The following SNX30 variants were observed in gnomAD, a reference collection of about 807,000 sequenced individuals.
SNX30 encodes sorting nexin family member 30, also known as sorting nexin-30.
Under a neutral mutation model 46.4 loss-of-function variants are expected in SNX30, and 24 were observed. That is an observed-to-expected ratio of 0.52 (90% CI 0.37 to 0.73). SNX30 has a LOEUF of 0.73. Among genes scored for constraint, SNX30 ranks in the 30% least tolerant of loss-of-function variants. The pLI is 0.00. For missense variants in SNX30, 533 were observed against 555.7 expected (o/e 0.96, Z 0.41); for synonymous variants, 189 against 211.5 (o/e 0.89, Z 0.92).
intron 1 of SNX30, among the ~76,000 whole-genome samples, chr9:112,773,984 T>A (rs1320163876): frequency 6.6e-6 from 1 of 152,248 alleles, no homozygotes; most frequent in Non-Finnish European, 1.5e-5. Context: ...CTATGTGACC[T>A]GTTTGTCTTC....
intron 5 of SNX30, among the ~76,000 whole-genome samples, chr9:112,837,060 C>T (rs887172124): frequency 3.3e-5 from 5 of 152,276 alleles, no homozygotes; most frequent in South Asian, 2.1e-4. Flanking sequence ...TGTAAATGAT[C>T]GCACTGGCAT....
At chr9:112,858,915 T>A (rs1030988693) in intron 7 of SNX30, among the ~76,000 whole-genome samples, 4 of 152,170 alleles carry the variant, frequency 2.6e-5, no homozygotes, top group African/African-American at 9.7e-5. Flanking sequence ...CCTCCATATA[T>A]TTAAACAAGA....
At chr9:112,811,826 C>T (rs1840325127) in intron 2 of SNX30, among the ~76,000 whole-genome samples, 1 of 152,030 alleles carries the variant, frequency 6.6e-6, no homozygotes, top group Admixed American at 6.6e-5. Flanking sequence ...GTATGCTTTT[C>T]GTTCTTTTAA....
chr9:112,883,821 C>T (rs1044320590), downstream of SNX30, among the ~76,000 whole-genome samples: 7 of 151,936 alleles, frequency 4.6e-5, no homozygotes, highest in Non-Finnish European at 1.0e-4. Context: ...CCTCAGCCTC[C>T]CGAATAACTG....
intron 6 of SNX30, among the ~76,000 whole-genome samples, chr9:112,838,944 T>C (rs1588134144): frequency 1.3e-5 from 2 of 152,086 alleles, no homozygotes; most frequent in Non-Finnish European, 2.9e-5. Context: ...CAAGAAGATA[T>C]AATGCCTATG....
In SNX30 at chr9:112,868,867, CTT is replaced by C. The variant is rs1564298926; in HGVS notation, c.*25_*26del. The stretch of plus-strand genomic sequence containing the variant: ...AAAGTTCTTTCTTGGGACGGAGACT[CTT>C]CTACCTACACAGGGCCTGGCACCCT... On this transcript the variant is annotated 3_prime_UTR_variant, in exon 9 of 9. Coordinates refer to ENST00000374232, the MANE Select transcript of SNX30 (RefSeq NM_001012994.2). 4.3e-6 allele frequency: 7 copies of C among 1,612,298 alleles called. No homozygotes were observed. The highest frequency in any genetic ancestry group is 4.2e-6 in the Non-Finnish European group (5 of 1,178,308).
intron 4 of SNX30, among the ~76,000 whole-genome samples, chr9:112,834,870 A>G (rs1303360174): frequency 6.5e-5 from 6 of 91,604 alleles, no homozygotes; most frequent in African/African-American, 1.4e-4. Context: ...ACACACACAC[A>G]CACACACACA....
intron 1 of SNX30, among the ~76,000 whole-genome samples, chr9:112,776,775 T>C (rs1243675589): frequency 6.6e-6 from 1 of 152,228 alleles, no homozygotes; most frequent in Non-Finnish European, 1.5e-5. Context: ...GAACTGCTCC[T>C]AGGCAGGCCT....
intron 6 of SNX30, among the ~76,000 whole-genome samples, chr9:112,843,585 C>CGG (rs1190328662): frequency 7.0e-6 from 1 of 142,444 alleles, no homozygotes; most frequent in Non-Finnish European, 1.5e-5. Context: ...AAGTGGTAAG[C>CGG]GGTGAGGTCA....
Position 112,836,361 on chromosome 9 carries a change from C to T in SNX30, c.766C>T (p.Leu256=). Residue 256 remains leucine (L), a synonymous_variant, in exon 5 of 9, where the codon CTG becomes TTG. Transcript: ENST00000374232. ...CTACTTAGATACATTTGCACTCAAA[C>T]TGGGAACCATTGATCGAATAGCCCA... ...GDYLDTFALK[L]GTIDRIAQRI... 6.2e-7 allele frequency: 1 copy of T among 1,608,992 alleles called. No individual in the cohort carries two copies.
At chr9:112,819,560 C>T (rs1840460234) in intron 3 of SNX30, among the ~76,000 whole-genome samples, 1 of 152,132 alleles carries the variant, frequency 6.6e-6, no homozygotes, top group Admixed American at 6.5e-5. Flanking sequence ...AGCCACCACG[C>T]CCGGCCCAAG....
chr9:112,858,111 T>G lies in SNX30; in HGVS notation c.1102-6136T>G, dbSNP rs183979923. Among the ~76,000 whole-genome samples, 29 of 152,360 alleles carry G rather than the reference T, an allele frequency of 1.9e-4. No homozygotes were observed. In the East Asian group the frequency reaches 4.2e-3, roughly 22 times the overall value. On this transcript the variant is annotated intron_variant, in intron 7 of 8. Transcript: ENST00000374232. ...CTGGTGATATTTTTCCTTGGTGTCATGATAAGCAACACCCAACCATTAGCA... is the reference window on the plus strand; with the variant it reads ...CTGGTGATATTTTTCCTTGGTGTCAGGATAAGCAACACCCAACCATTAGCA...
chr9:112,833,057 A>C (rs1487101519), intron 4 of SNX30, among the ~76,000 whole-genome samples: 2 of 151,932 alleles, frequency 1.3e-5, no homozygotes, highest in South Asian at 2.1e-4. Flanking sequence ...GATAAAATAC[A>C]CCTAACATTT....
intron 1 of SNX30, among the ~76,000 whole-genome samples, chr9:112,793,103 A>G (rs879270550): frequency 6.6e-6 from 1 of 152,088 alleles, no homozygotes; most frequent in Non-Finnish European, 1.5e-5. Context: ...CAGACCTGCT[A>G]TTTGCCCCCA....
intron 1 of SNX30, among the ~76,000 whole-genome samples, chr9:112,767,707 A>G (rs1261509052): frequency 2.6e-5 from 4 of 151,958 alleles, no homozygotes; most frequent in Non-Finnish European, 5.9e-5. Flanking sequence ...CTCCCATCTC[A>G]GCCTCCTGAG....
chr9:112,796,420 G>C (rs1255790273), intron 1 of SNX30, among the ~76,000 whole-genome samples: 3 of 152,180 alleles, frequency 2.0e-5, no homozygotes, highest in African/African-American at 7.2e-5. Flanking sequence ...AGACACTGGG[G>C]TGTGGACGCC....
rs559911411 is a variant in SNX30, at chr9:112,873,550, G to A, written c.*4707G>A. The A allele has an allele frequency of 7.9e-4, 120 of 152,258 alleles. No individual in the cohort carries two copies. The highest frequency in any genetic ancestry group is 2.8e-3 in the African/African-American group (115 of 41,570). The allele number at this position is 152,258 out of a possible 1,614,324, so 9.4% of individuals were successfully genotyped here. On this transcript the variant is annotated 3_prime_UTR_variant, in exon 9 of 9. Transcript: ENST00000374232. The stretch of plus-strand genomic sequence containing the variant: ...AGCAAGAAAGTGAGGGCCATCACTA[G>A]GGTTGGCTTTGGGGAGGGGAAAACT...
chr9:112,835,580 G>A (rs1259496251), intron 4 of SNX30, among the ~76,000 whole-genome samples: 1 of 151,732 alleles, frequency 6.6e-6, no homozygotes, highest in Non-Finnish European at 1.5e-5. Context: ...GCCTCCCACA[G>A]TACTGAGATT....
chr9:112,847,446 C>CT (rs34501288), intron 6 of SNX30, among the ~76,000 whole-genome samples: 12,670 of 146,328 alleles, frequency 0.087, 546 homozygotes, highest in Non-Finnish European at 0.096. Flanking sequence ...TACAAGCATT[C>CT]TTTTTTTTTT....
Sources: gnomAD v4.1 joint callset for allele counts (sites outside exome capture counted in the v4.1 genomes callset) on GRCh38, gnomAD v4.1.1 for gene constraint, MANE v1.5 for transcripts, NCBI Gene and HGNC (gene_info 2026-07-23, HGNC 2026-07-21) for gene names.